The following ARAP2 variants were observed in gnomAD, a reference collection of about 807,000 sequenced individuals.
ARAP2 encodes the protein arf-GAP with Rho-GAP domain, ANK repeat and PH domain-containing protein 2.
ARAP2 carries 148 observed loss-of-function variants against 194.5 expected under a neutral mutation model. That is an observed-to-expected ratio of 0.76 (90% CI 0.67 to 0.87). The LOEUF (loss-of-function observed/expected upper bound fraction) is 0.87, where lower values mean the gene tolerates loss of function less well. Among genes scored for constraint, ARAP2 ranks in the 40% least tolerant of loss-of-function variants. The pLI, the probability that ARAP2 is intolerant of heterozygous loss-of-function variation, is 0.00. For missense variants in ARAP2, 2,128 were observed against 1,989.7 expected, an observed-to-expected ratio of 1.07 and a Z score of -1.32; for synonymous variants, 695 against 683.5, an observed-to-expected ratio of 1.02 and a Z score of -0.26.
intron 27 of ARAP2, among the ~76,000 whole-genome samples, chr4:36,097,791 C>T (rs964986782): frequency 6.6e-6 from 1 of 152,024 alleles, no homozygotes; most frequent in Admixed American, 6.6e-5. Context: ...GTTACCTCTA[C>T]TGAATCATAA....
chr4:36,224,344 C>T (rs1749830032), intron 2 of ARAP2, among the ~76,000 whole-genome samples: 1 of 150,886 alleles, frequency 6.6e-6, no homozygotes, highest in African/African-American at 2.4e-5. Context: ...TTAACACTGC[C>T]TTGAGGTTTT....
At chr4:36,116,340 T>C (rs1485866580) in intron 25 of ARAP2, among the ~76,000 whole-genome samples, 1 of 151,912 alleles carries the variant, frequency 6.6e-6, no homozygotes, top group Non-Finnish European at 1.5e-5. Context: ...CAAATTTCTG[T>C]TACATGGCAG....
intron 5 of ARAP2, among the ~76,000 whole-genome samples, chr4:36,025,715 C>A (rs909078026): frequency 9.2e-5 from 14 of 151,532 alleles, no homozygotes; most frequent in African/African-American, 3.4e-4. Flanking sequence ...CAGAAGGTAA[C>A]CACCCACGTT....
chr4:36,062,615 G>T (rs1289098362), downstream of ARAP2, among the ~76,000 whole-genome samples: 1 of 148,272 alleles, frequency 6.7e-6, no homozygotes, highest in African/African-American at 2.5e-5. Context: ...CATATACCTG[G>T]CTCGTAATTT....
intron 5 of ARAP2, among the ~76,000 whole-genome samples, chr4:36,021,307 G>A (rs1716899369): frequency 1.3e-5 from 2 of 152,146 alleles, no homozygotes; most frequent in Admixed American, 1.3e-4. Flanking sequence ...AAAAATCATA[G>A]GATATAATAT....
At chr4:36,017,292 G>A (rs995384672) in intron 6 of ARAP2, among the ~76,000 whole-genome samples, 23 of 151,722 alleles carry the variant, frequency 1.5e-4, no homozygotes, top group African/African-American at 5.6e-4. Flanking sequence ...AGAGCCTCCT[G>A]TATGCCAATC....
chr4:36,085,108 A>G (rs1025280854), intron 28 of ARAP2, among the ~76,000 whole-genome samples: 2 of 152,006 alleles, frequency 1.3e-5, no homozygotes, highest in Admixed American at 6.6e-5. Flanking sequence ...ATTTGTTTGT[A>G]CTAGTTCTTT....
chr4:36,147,281 C>CA lies in ARAP2; in HGVS notation c.3263+14dup, dbSNP rs780314665. Reference sequence around the variant, plus strand: ...AGTTGTTGAGATAAGGAATAAAAAGCAAAAAGGCACTTACCTCCCTTTTTC... The same window carrying CA: ...AGTTGTTGAGATAAGGAATAAAAAGCAAAAAAGGCACTTACCTCCCTTTTTC... On this transcript the variant is annotated intron_variant, in intron 19 of 32. Coordinates refer to ENST00000303965, the MANE Select transcript of ARAP2 (RefSeq NM_015230.4). The CA allele has an allele frequency of 1.2e-6, 2 of 1,610,914 alleles. No individual in the cohort carries two copies.
chr4:36,119,551 TA>T, intron 24 of ARAP2, 98 bp downstream of exon 24: 1 of 834,384 alleles, frequency 1.2e-6, no homozygotes. Flanking sequence ...TTACTTTGCT[TA>T]AAATAGGAAC....
intron 2 of ARAP2, among the ~76,000 whole-genome samples, chr4:36,227,972 C>T (rs968038131): frequency 1.3e-5 from 2 of 152,090 alleles, no homozygotes; most frequent in African/African-American, 4.8e-5. Context: ...ACTGGTAGAG[C>T]CCCTCTTTGG....
intron 19 of ARAP2, among the ~76,000 whole-genome samples, chr4:36,137,781 A>G (rs1039677602): frequency 4.0e-5 from 6 of 151,752 alleles, no homozygotes; most frequent in African/African-American, 1.5e-4. Context: ...GAGGAATCAG[A>G]TCTCCATAAT....
chr4:36,106,021 G>C (rs760743927), intron 27 of ARAP2, among the ~76,000 whole-genome samples: 5 of 151,804 alleles, frequency 3.3e-5, no homozygotes, highest in Non-Finnish European at 7.4e-5. Context: ...TCTAAATTAG[G>C]GTTTCTCAAC....
chr4:36,231,211 C>T (rs566774793), intron 1 of ARAP2, among the ~76,000 whole-genome samples: 4 of 152,256 alleles, frequency 2.6e-5, no homozygotes, highest in Non-Finnish European at 4.4e-5. Flanking sequence ...GGGTGCGTGC[C>T]TGTAATCCCA....
chr4:36,193,656 CAT>C lies in ARAP2; in HGVS notation c.1488-11_1488-10del, dbSNP rs757395395. On this transcript the variant is annotated splice_polypyrimidine_tract_variant and intron_variant, in intron 6 of 32. Coordinates refer to ENST00000303965, the MANE Select transcript of ARAP2 (RefSeq NM_015230.4). ...TTTGAAACATGCGTTTTCTGCAAAA[CAT>C]ATGAAATTGTTATTTTACATTCAAG... The C allele has an allele frequency of 1.9e-6, 3 of 1,594,480 alleles. No individual in the cohort carries two copies. Among genetic ancestry groups the C allele is most frequent in the South Asian group, 2.3e-5 (2 of 86,432 alleles).
At chr4:36,028,794 T>A (rs1489870967) in intron 5 of ARAP2, among the ~76,000 whole-genome samples, 1 of 151,980 alleles carries the variant, frequency 6.6e-6, no homozygotes, top group Non-Finnish European at 1.5e-5. Context: ...TTGGTTATTT[T>A]TATTTTTTGG....
chr4:36,074,140 T>C (rs1727690690), intron 31 of ARAP2, among the ~76,000 whole-genome samples: 1 of 152,140 alleles, frequency 6.6e-6, no homozygotes, highest in Admixed American at 6.6e-5. Flanking sequence ...ATAGTACACT[T>C]GTCTACATTG....
At chr4:36,080,576 C>T (rs1729297833) in intron 30 of ARAP2, among the ~76,000 whole-genome samples, 1 of 152,132 alleles carries the variant, frequency 6.6e-6, no homozygotes, top group African/African-American at 2.4e-5. Flanking sequence ...TTTCATTTTG[C>T]CTTTTCAAGT....
intron 22 of ARAP2, 106 bp from the exon 23 acceptor site, chr4:36,121,432 T>G: frequency 7.5e-6 from 8 of 1,066,644 alleles, no homozygotes; most frequent in Non-Finnish European, 1.1e-5. Context: ...TGGAATTCTC[T>G]GACATAAAAG....
At chr4:36,189,520 A>G (rs527536511) in intron 7 of ARAP2, among the ~76,000 whole-genome samples, 2 of 152,252 alleles carry the variant, frequency 1.3e-5, no homozygotes, top group South Asian at 4.1e-4. Context: ...CTCTCTAGCT[A>G]TAAGTTCCTG....
Sources: allele counts gnomAD v4.1 joint callset (sites outside exome capture counted in the v4.1 genomes callset), GRCh38; gene constraint gnomAD v4.1.1; transcripts MANE v1.5; gene names NCBI Gene and HGNC (gene_info 2026-07-23, HGNC 2026-07-21).